Variants in TRPC7 observed in about 807,000 individuals in gnomAD.
The protein encoded by TRPC7 is short transient receptor potential channel 7.
In TRPC7, 42 loss-of-function variants were observed where a neutral mutation model predicts 90.1. The ratio of observed to expected loss-of-function variants is 0.47; its 90% confidence interval spans 0.36 to 0.60. TRPC7 has a LOEUF of 0.60. Among genes scored for constraint, TRPC7 ranks in the 20% least tolerant of loss-of-function variants. The pLI, the probability that TRPC7 is intolerant of heterozygous loss-of-function variation, is 0.00. For missense variants in TRPC7, 955 were observed against 1,112.3 expected, an observed-to-expected ratio of 0.86 and a Z score of 2.01; for synonymous variants, 451 against 436.3, an observed-to-expected ratio of 1.03 and a Z score of -0.42.
At chr5:136,311,833 G>T (rs1234594349) in intron 3 of TRPC7, among the ~76,000 whole-genome samples, 1 of 152,212 alleles carries the variant, frequency 6.6e-6, no homozygotes, top group Non-Finnish European at 1.5e-5. Context: ...GGGCTGGGAT[G>T]CACTGAGGTG....
intron 3 of TRPC7, among the ~76,000 whole-genome samples, chr5:136,292,294 G>C (rs1389141848): frequency 6.6e-6 from 1 of 151,604 alleles, no homozygotes; most frequent in Non-Finnish European, 1.5e-5. Flanking sequence ...ACTAAGATCA[G>C]AGCAGAACTG....
chr5:136,263,690 T>A (rs1756937216), intron 5 of TRPC7, among the ~76,000 whole-genome samples: 1 of 150,458 alleles, frequency 6.6e-6, no homozygotes, highest in African/African-American at 2.4e-5. Context: ...GAAATTAAAA[T>A]CACAAAAACC....
At chr5:136,237,155 C>T (rs1756006541) in intron 7 of TRPC7, among the ~76,000 whole-genome samples, 1 of 152,184 alleles carries the variant, frequency 6.6e-6, no homozygotes, top group Admixed American at 6.5e-5. Context: ...AAAGTCTGAA[C>T]TCATCCCTTC....
At chr5:136,300,136 G>C (rs1561708362) in intron 3 of TRPC7, among the ~76,000 whole-genome samples, 2 of 152,190 alleles carry the variant, frequency 1.3e-5, no homozygotes, top group Non-Finnish European at 2.9e-5. Flanking sequence ...AAAAGCAATA[G>C]TTTTCTGTCC....
chr5:136,304,648 A>C (rs1758541573), intron 3 of TRPC7, among the ~76,000 whole-genome samples: 1 of 152,174 alleles, frequency 6.6e-6, no homozygotes, highest in African/African-American at 2.4e-5. Flanking sequence ...CATTAGGCTC[A>C]GCAAATTACC....
chr5:136,313,375 C>CTA (rs1758901647), intron 3 of TRPC7, among the ~76,000 whole-genome samples: 1 of 59,132 alleles, frequency 1.7e-5, no homozygotes, highest in East Asian at 7.7e-4. Context: ...CAGGAGATGT[C>CTA]TGTCTATCTA....
rs79375883 is a variant in TRPC7 at position 136,296,783 on chromosome 5, T to C, written c.963+18814A>G. 4.9e-3 allele frequency among the ~76,000 whole-genome samples: 741 copies of C among 152,336 alleles called. 5 individuals are homozygous for C. The highest frequency in any genetic ancestry group is 6.9e-3 in the Non-Finnish European group (472 of 68,022). ...TTAAATAGCTTCCTTATTTTTATAA[T>C]GTTTTTTCAGTAAATAAAATCAGTG... On this transcript the variant is annotated intron_variant, in intron 3 of 11. Transcript: ENST00000513104.
rs368799815 is a variant in TRPC7 at position 136,301,332 on chromosome 5, A to ATTTTTTTTT, written c.963+14256_963+14264dup. Among the ~76,000 whole-genome samples the ATTTTTTTTT allele has an allele frequency of 1.9e-3, 165 of 85,688 alleles. 5 individuals carry two copies. The highest frequency in any genetic ancestry group is 2.5e-3 in the Non-Finnish European group (114 of 46,466). The allele number at this position is 85,688 out of a possible 152,430, so 56.2% of individuals were successfully genotyped here. A position where few individuals can be genotyped will look rare whatever the true frequency, so the allele number is the denominator to read the frequency against. ...TTGAGCCACTGCACCCAGCCCAGGCATTTTTTTTTTTTTTTTTTTTTTTTT... is the reference window on the plus strand; with the variant it reads ...TTGAGCCACTGCACCCAGCCCAGGCATTTTTTTTTTTTTTTTTTTTTTTTTTTTTTTTTT... On this transcript the variant is annotated intron_variant, in intron 3 of 11. Transcript: ENST00000513104.
rs757723807 is a variant in TRPC7 at position 136,251,612 on chromosome 5, C to T, written c.1579+37G>A. On this transcript the variant is annotated intron_variant, in intron 6 of 11. Coordinates refer to ENST00000513104, the MANE Select transcript of TRPC7 (RefSeq NM_020389.3). Reference sequence around the variant, plus strand: ...AAGCACCAGGCCCACGTCCCGGAAGCGCCAAAATGGAGTAGGGGAAGCACT... The same window carrying T: ...AAGCACCAGGCCCACGTCCCGGAAGTGCCAAAATGGAGTAGGGGAAGCACT... 21 of 1,516,928 alleles carry T rather than the reference C, an allele frequency of 1.4e-5. No individual in the cohort carries two copies. In the Admixed American group the frequency reaches 2.1e-4, roughly 15 times the overall value. 94.0% of individuals were successfully genotyped at this position (1,516,928 alleles called of 1,614,324 possible).
intron 2 of TRPC7, among the ~76,000 whole-genome samples, chr5:136,339,838 T>TGCAACAACAACAACAACAACA (rs1402361138): frequency 3.1e-3 from 335 of 106,642 alleles, no homozygotes; most frequent in Non-Finnish European, 4.1e-3. Context: ...CTCTCTCTAC[T>TGCAACAACAACAACAACAACA]GCAACAACAA....
At chr5:136,364,919 A>G (rs1760675618) in intron 1 of TRPC7, among the ~76,000 whole-genome samples, 1 of 152,146 alleles carries the variant, frequency 6.6e-6, no homozygotes, top group Non-Finnish European at 1.5e-5. Context: ...ACATAAATAC[A>G]TTAGAAAGCT....
chr5:136,365,151 G>T, intron 1 of TRPC7, 102 bp downstream of exon 1: 1 of 1,331,148 alleles, frequency 7.5e-7, no homozygotes, highest in Non-Finnish European at 1.0e-6. Flanking sequence ...GTGCACTAGA[G>T]GAAGAAGGCT....
chr5:136,226,342 A>G (rs1466335391), intron 8 of TRPC7, 87 bp from the exon 9 acceptor site: 2 of 945,918 alleles, frequency 2.1e-6, no homozygotes, highest in African/African-American at 1.7e-5. Flanking sequence ...CACAGCCCCA[A>G]CATTCGGAAA....
chr5:136,261,921 C>T (rs1561692128), intron 5 of TRPC7, among the ~76,000 whole-genome samples: 1 of 152,220 alleles, frequency 6.6e-6, no homozygotes, highest in Non-Finnish European at 1.5e-5. Context: ...ATTCCCCCTG[C>T]AAACTGCTCC....
Position 136,229,407 on chromosome 5 carries a change from A to G in TRPC7, c.2040+1947T>C, listed in dbSNP as rs573516778. ...AGTACTCTTTTTTGGGGAGGGTATC[A>G]TAGACTGAATTGTGTCCCCCTTAAA... On this transcript the variant is annotated intron_variant, in intron 8 of 11. Transcript: ENST00000513104. Among the ~76,000 whole-genome samples, 35 of 152,228 alleles carry G rather than the reference A, an allele frequency of 2.3e-4. No individual in the cohort carries two copies. In the East Asian group the frequency reaches 6.8e-3, roughly 29 times the overall value.
At position 136,357,140 on chromosome 5, in the gene TRPC7, T is replaced by C; in HGVS notation, c.248A>G (p.Gln83Arg). 6.2e-7 allele frequency: 1 copy of C among 1,614,164 alleles called. No individual in the cohort carries two copies. Among genetic ancestry groups the C allele is most frequent in the Non-Finnish European group, 8.5e-7 (1 of 1,180,034 alleles). Residue 83 changes from glutamine to arginine, a missense_variant, in exon 2 of 12, where the codon CAG becomes CGG. Gln to Arg is a conservative substitution (Grantham distance 43). Coordinates refer to ENST00000513104, the MANE Select transcript of TRPC7 (RefSeq NM_020389.3). The part of the protein sequence containing the change: ...CVDYMGQNAL[Q>R]LAVGNEHLEV... ...TAGGTGCTCGTTGCCCACGGCCAGCTGCAGAGCGTTCTGCCCCATGTAGTC... is the reference window on the plus strand; with the variant it reads ...TAGGTGCTCGTTGCCCACGGCCAGCCGCAGAGCGTTCTGCCCCATGTAGTC...
At chr5:136,224,034 C>A (rs1385819319) in intron 10 of TRPC7, among the ~76,000 whole-genome samples, 1 of 152,186 alleles carries the variant, frequency 6.6e-6, no homozygotes, top group African/African-American at 2.4e-5. Flanking sequence ...CTCCTAACTG[C>A]ACAGCTGGCT....
chr5:136,275,035 T>C (rs555859856), intron 3 of TRPC7, among the ~76,000 whole-genome samples, 198 bp from the exon 4 acceptor site: 1 of 152,304 alleles, frequency 6.6e-6, no homozygotes, highest in African/African-American at 2.4e-5. Flanking sequence ...CTTTGTGCTG[T>C]GGCCAGAGTC....
intron 2 of TRPC7, among the ~76,000 whole-genome samples, chr5:136,329,974 C>CACACAT (rs1015281836): frequency 2.0e-5 from 3 of 152,176 alleles, no homozygotes; most frequent in African/African-American, 4.8e-5. Flanking sequence ...CTCTCTCTGA[C>CACACAT]ACACATACAC....
Sources: allele counts gnomAD v4.1 joint callset (sites outside exome capture counted in the v4.1 genomes callset), GRCh38; gene constraint gnomAD v4.1.1; transcripts MANE v1.5; gene names NCBI Gene and HGNC (gene_info 2026-07-23, HGNC 2026-07-21).